DCC: variants seen among roughly 807,000 people sequenced by gnomAD.
The protein encoded by DCC is DCC netrin 1 receptor.
DCC carries 58 observed loss-of-function variants against 172.5 expected under a neutral mutation model. The observed-to-expected ratio is 0.34, with a 90% CI of 0.27 to 0.42. The LOEUF (loss-of-function observed/expected upper bound fraction) is 0.42. Among genes scored for constraint, DCC ranks in the 10% least tolerant of loss-of-function variants. DCC has a pLI of 1.00. For synonymous variants in DCC, 709 were observed against 644.5 expected (o/e 1.10, Z -1.52); for missense variants, 1,740 against 1,791.0 (o/e 0.97, Z 0.51).
intron 2 of DCC, among the ~76,000 whole-genome samples, chr18:52,857,564 T>C (rs1250701732): frequency 6.6e-6 from 1 of 152,176 alleles, no homozygotes; most frequent in Non-Finnish European, 1.5e-5. Flanking sequence ...GACACCATGA[T>C]GTTATATAGG....
chr18:52,730,331 A>T (rs2036618800), intron 1 of DCC, among the ~76,000 whole-genome samples: 1 of 152,156 alleles, frequency 6.6e-6, no homozygotes, highest in Non-Finnish European at 1.5e-5. Flanking sequence ...ACAAAGAATT[A>T]TCCAGCCCAT....
chr18:52,367,030 A>G (rs1984897961), intron 1 of DCC, among the ~76,000 whole-genome samples: 1 of 152,216 alleles, frequency 6.6e-6, no homozygotes. Flanking sequence ...GGCGGGCTAC[A>G]GGTCCCGAGC....
chr18:52,787,399 CAA>C (rs902981476), intron 2 of DCC, among the ~76,000 whole-genome samples: 7 of 151,960 alleles, frequency 4.6e-5, no homozygotes, highest in Non-Finnish European at 7.4e-5. Flanking sequence ...CAAATGGTGA[CAA>C]AGTTTCCAGG....
intron 1 of DCC, among the ~76,000 whole-genome samples, chr18:52,537,877 C>G (rs1396086083): frequency 6.6e-6 from 1 of 152,160 alleles, no homozygotes; most frequent in Admixed American, 6.5e-5. Flanking sequence ...CCTCTCTGAT[C>G]AAGTACAGCT....
intron 12 of DCC, among the ~76,000 whole-genome samples, chr18:53,242,814 A>G (rs912535128): frequency 1.3e-5 from 2 of 152,092 alleles, no homozygotes; most frequent in Non-Finnish European, 2.9e-5. Context: ...GGCACTGAAT[A>G]AAAGTATCCT....
chr18:52,977,229 T>C (rs2041133263), intron 5 of DCC, among the ~76,000 whole-genome samples: 1 of 152,188 alleles, frequency 6.6e-6, no homozygotes, highest in South Asian at 2.1e-4. Flanking sequence ...AAGTGTCTTA[T>C]AATGTGCTCA....
chr18:52,689,377 G>C (rs754993634), intron 1 of DCC, among the ~76,000 whole-genome samples: 3 of 152,124 alleles, frequency 2.0e-5, no homozygotes, highest in Non-Finnish European at 4.4e-5. Flanking sequence ...GCAGCTTTGG[G>C]TAATTGGAGA....
intron 9 of DCC, among the ~76,000 whole-genome samples, chr18:53,200,025 T>A (rs1342881734): frequency 6.6e-6 from 1 of 152,200 alleles, no homozygotes; most frequent in Non-Finnish European, 1.5e-5. Flanking sequence ...AATCGAATGT[T>A]CTCATTTGGC....
intron 12 of DCC, chr18:53,237,220 A>G (rs533438302): frequency 1.3e-5 from 2 of 154,234 alleles, no homozygotes; most frequent in Admixed American, 6.5e-5. Flanking sequence ...TCACAGTTAA[A>G]CAATGCAAAG....
intron 2 of DCC, among the ~76,000 whole-genome samples, chr18:52,860,480 TAAA>T (rs1182579574): frequency 1.3e-5 from 2 of 152,040 alleles, no homozygotes; most frequent in Admixed American, 6.6e-5. Context: ...TATAGACAAA[TAAA>T]AAAACCTCCA....
intron 24 of DCC, 51 bp downstream of exon 24, chr18:53,459,509 G>C (rs1191828002): frequency 1.6e-6 from 2 of 1,276,794 alleles, no homozygotes; most frequent in African/African-American, 2.9e-5. Context: ...CTGAACCCAA[G>C]GGAGTTTTTC....
chr18:53,375,011 G>A (rs78753730), intron 15 of DCC, among the ~76,000 whole-genome samples: 2,905 of 152,240 alleles, frequency 0.019, 39 homozygotes, highest in Middle Eastern at 0.051. Context: ...TGGGTGGATT[G>A]GAAAGTAGGA....
chr18:53,269,283 C>T (rs894715752), intron 12 of DCC, among the ~76,000 whole-genome samples: 4 of 152,094 alleles, frequency 2.6e-5, no homozygotes, highest in Non-Finnish European at 2.9e-5. Flanking sequence ...GTTCATTGAA[C>T]TTTAACAACA....
At chr18:52,565,672 A>T (rs2033145291) in intron 1 of DCC, among the ~76,000 whole-genome samples, 1 of 151,986 alleles carries the variant, frequency 6.6e-6, no homozygotes, top group South Asian at 2.1e-4. Flanking sequence ...TCCTTTGACC[A>T]CTTTTTGATG....
chr18:53,493,736 G>T (rs1481538073), intron 26 of DCC, among the ~76,000 whole-genome samples: 3 of 151,876 alleles, frequency 2.0e-5, no homozygotes, highest in Admixed American at 6.6e-5. Context: ...TTGATTTTTT[G>T]AAGGGTTTTT....
chr18:52,957,034 A>G (rs1446843707), intron 5 of DCC, among the ~76,000 whole-genome samples: 2 of 152,198 alleles, frequency 1.3e-5, no homozygotes, highest in African/African-American at 2.4e-5. Context: ...ATTTCTGAGT[A>G]CAGCAGACAA....
intron 2 of DCC, 140 bp downstream of exon 2, chr18:52,752,514 A>G (rs2037014133): frequency 1.4e-6 from 1 of 719,894 alleles, no homozygotes. Flanking sequence ...GTAATTATAT[A>G]TTTTTATGAA....
chr18:53,486,145 AG>A (rs2045897085), intron 25 of DCC, among the ~76,000 whole-genome samples: 1 of 152,266 alleles, frequency 6.6e-6, no homozygotes, highest in South Asian at 2.1e-4. Context: ...TAAACCTAGA[AG>A]ATATTTTGTA....
At chr18:53,309,155 G>T (rs550769909) in intron 13 of DCC, among the ~76,000 whole-genome samples, 3 of 151,844 alleles carry the variant, frequency 2.0e-5, no homozygotes, top group Admixed American at 6.6e-5. Flanking sequence ...CTCCTGCCTC[G>T]GCCTACGGAG....
Sources: allele counts gnomAD v4.1 joint callset (sites outside exome capture counted in the v4.1 genomes callset), GRCh38; gene constraint gnomAD v4.1.1; transcripts MANE v1.5; gene names NCBI Gene and HGNC (gene_info 2026-07-23, HGNC 2026-07-21).